The following TSGA13 variants were observed in gnomAD, a reference collection of about 807,000 sequenced individuals.
TSGA13 encodes the protein testis specific 13.
TSGA13 carries 37 observed loss-of-function variants against 35.1 expected under a neutral mutation model. The observed-to-expected ratio is 1.05, with a 90% CI of 0.81 to 1.39. The LOEUF (loss-of-function observed/expected upper bound fraction) is 1.39, where lower values mean the gene tolerates loss of function less well. TSGA13 is among the 40% of genes most tolerant of loss of function. The pLI, the probability that TSGA13 is intolerant of heterozygous loss-of-function variation, is 0.00. For synonymous variants in TSGA13, 124 were observed against 121.2 expected, an observed-to-expected ratio of 1.02 and a Z score of -0.15; for missense variants, 338 against 328.5, an observed-to-expected ratio of 1.03 and a Z score of -0.22.
intron 6 of TSGA13, 143 bp downstream of exon 6, chr7:130,672,591 G>T: frequency 2.7e-6 from 3 of 1,116,946 alleles, no homozygotes; most frequent in Non-Finnish European, 3.7e-6. Context: ...TGTCAATGAG[G>T]TTAGGGTCAT....
At chr7:130,681,130 T>C in intron 3 of TSGA13, 113 bp from the exon 4 acceptor site, 1 of 868,160 alleles carries the variant, frequency 1.2e-6, no homozygotes, top group African/African-American at 1.7e-5. Flanking sequence ...TTACACTAAG[T>C]AAGTTAGAGA....
At chr7:130,678,088 T>A (rs1048165953) in intron 5 of TSGA13, among the ~76,000 whole-genome samples, 29 of 152,154 alleles carry the variant, frequency 1.9e-4, no homozygotes, top group Non-Finnish European at 3.1e-4. Flanking sequence ...AAGATTTGGC[T>A]ACTGTGTAGG....
Position 130,683,609 on chromosome 7 carries a change from A to G in TSGA13, c.87T>C (p.Val29=). The G allele has an allele frequency of 1.9e-6, 3 of 1,613,788 alleles. No homozygotes were observed. Among genetic ancestry groups the G allele is most frequent in the Non-Finnish European group, 2.5e-6 (3 of 1,179,708 alleles). ...CACTCCTTACCTCTTTGCTATTGAC[A>G]ACCATTCCTTTCTCACGTTTAGCTG... The part of the protein sequence containing the change: ...NSSAKREKGM[V]VNSKEISDAV... Residue 29 remains valine, a synonymous_variant, in exon 3 of 8, where the codon GTT becomes GTC. Coordinates refer to ENST00000356588, the MANE Select transcript of TSGA13 (RefSeq NM_052933.4).
intron 3 of TSGA13, among the ~76,000 whole-genome samples, chr7:130,681,278 A>G (rs115512238): frequency 0.012 from 1,776 of 152,290 alleles, 47 homozygotes; most frequent in African/African-American, 0.04. Context: ...AATGTCAGGG[A>G]AAGCCGTTAG....
At chr7:130,673,865 G>A (rs1554463745) in intron 5 of TSGA13, among the ~76,000 whole-genome samples, 1 of 152,156 alleles carries the variant, frequency 6.6e-6, no homozygotes, top group East Asian at 1.9e-4. Context: ...GGAGGCCAAA[G>A]CGATGGATCA....
intron 1 of TSGA13, 37 bp from the exon 2 acceptor site, chr7:130,685,397 T>G: frequency 1.5e-6 from 2 of 1,355,722 alleles, no homozygotes; most frequent in Non-Finnish European, 1.9e-6. Context: ...TAGGTGCTAT[T>G]GTAGATGTAG....
rs1461682324 is a variant in TSGA13, at chr7:130,670,719, A to C, written c.658+942T>G. On this transcript the variant is annotated intron_variant, in intron 7 of 7. Transcript: ENST00000356588. ...ACTGCAACCTTGAACTCCTAGGTTC[A>C]AGCAATCCTCCTTCCTCAAGCCCCC... 2.0e-5 allele frequency among the ~76,000 whole-genome samples: 3 copies of C among 152,282 alleles called. No individual in the cohort carries two copies. The South Asian group carries it at 6.2e-4, about 32-fold the overall frequency.
chr7:130,679,519 GT>G, intron 4 of TSGA13, 152 bp from the exon 5 acceptor site: 23 of 737,264 alleles, frequency 3.1e-5, no homozygotes, highest in Non-Finnish European at 4.1e-5. Flanking sequence ...TTTTGTTTTT[GT>G]TTTTTTTGAG....
intron 5 of TSGA13, among the ~76,000 whole-genome samples, chr7:130,675,809 T>C (rs1796399620): frequency 6.6e-6 from 1 of 152,236 alleles, no homozygotes; most frequent in Non-Finnish European, 1.5e-5. Flanking sequence ...TTCTGGATGT[T>C]GGTAGGTTGG....
At chr7:130,683,709 G>A in intron 2 of TSGA13, 37 bp from the exon 3 acceptor site, 1 of 1,594,126 alleles carries the variant, frequency 6.3e-7, no homozygotes, top group Non-Finnish European at 8.6e-7. Context: ...GCACTTTCTG[G>A]CTCAGAGGCC....
intron 4 of TSGA13, among the ~76,000 whole-genome samples, chr7:130,680,680 A>G (rs1554464949): frequency 6.6e-6 from 1 of 152,016 alleles, no homozygotes; most frequent in African/African-American, 2.4e-5. Context: ...TTTTTTCCTG[A>G]TCATAAATAT....
upstream of TSGA13, chr7:130,686,879 C>CCTT (rs1554465844): frequency 6.6e-6 from 1 of 152,404 alleles, no homozygotes; most frequent in African/African-American, 2.4e-5. Flanking sequence ...TTCTCCTTCT[C>CCTT]CTTCTCCTTC....
At chr7:130,677,431 C>T (rs1255218469) in intron 5 of TSGA13, among the ~76,000 whole-genome samples, 2 of 144,830 alleles carry the variant, frequency 1.4e-5, no homozygotes, top group African/African-American at 5.0e-5. Flanking sequence ...TTTGCTTTTT[C>T]TTTTTTTTTT....
At chr7:130,672,181 C>T (rs929808973) in intron 6 of TSGA13, among the ~76,000 whole-genome samples, 4 of 152,112 alleles carry the variant, frequency 2.6e-5, no homozygotes, top group Admixed American at 6.6e-5. Flanking sequence ...TGAGACACCG[C>T]GCCCAGCCCC....
chr7:130,668,654 G>A lies in TSGA13; in HGVS notation c.*360C>T, dbSNP rs782031413. On this transcript the variant is annotated 3_prime_UTR_variant, in exon 8 of 8. Coordinates refer to ENST00000356588, the MANE Select transcript of TSGA13 (RefSeq NM_052933.4). Reference sequence around the variant, plus strand: ...TACCAGACTCCTCGTCCTTCTTGTCGAATTTTTTAATCATCTTGGACGACT... The same window carrying A: ...TACCAGACTCCTCGTCCTTCTTGTCAAATTTTTTAATCATCTTGGACGACT... 3 of 1,543,230 alleles carry A rather than the reference G, an allele frequency of 1.9e-6. No homozygotes were observed. Among genetic ancestry groups the A allele is most frequent in the Middle Eastern group, 1.7e-4 (1 of 5,906 alleles).
rs1478193368 is a variant in TSGA13, at chr7:130,682,098, C to T, written c.103-1081G>A. ...GGGTCTAAAGGCACGTGCCACCATG[C>T]CCAGCTATTATTATTATTTATTAAT... On this transcript the variant is annotated intron_variant, in intron 3 of 7. Transcript: ENST00000356588. Among the ~76,000 whole-genome samples, 39 of 151,712 alleles carry T rather than the reference C, an allele frequency of 2.6e-4. 1 individual carries two copies. Among genetic ancestry groups the T allele is most frequent in the Admixed American group, 2.6e-3 (39 of 15,214 alleles).
rs782667413 is a variant in TSGA13 at position 130,671,745 on chromosome 7, T to C, written c.574A>G (p.Lys192Glu). The C allele has an allele frequency of 1.2e-6, 2 of 1,606,964 alleles. No homozygotes were observed. The highest frequency in any genetic ancestry group is 1.3e-5 in the African/African-American group (1 of 74,824). Reference protein sequence around the residue: ...NDFKSEGKYSKVYALRTQKKM... With the variant: ...NDFKSEGKYSEVYALRTQKKM... ...TTCTGTGTCCTCAAAGCGTAGACTT[T>C]TGAATACTTCCCTTCGCTCTTGAAA... Residue 192 changes from lysine (K) to glutamate (E), a missense_variant, in exon 7 of 8, where the codon AAA (lysine) becomes GAA (glutamate). Coordinates refer to ENST00000356588, the MANE Select transcript of TSGA13 (RefSeq NM_052933.4).
chr7:130,676,703 A>G, intron 5 of TSGA13, among the ~76,000 whole-genome samples: 1 of 152,192 alleles, frequency 6.6e-6, no homozygotes, highest in South Asian at 2.1e-4. Context: ...TCATCCATCT[A>G]GGAACTATGG....
In TSGA13 at chr7:130,671,714, A is replaced by G. The variant is rs368591078; in HGVS notation, c.605T>C (p.Met202Thr). Residue 202 changes from methionine (M) to threonine (T), a missense_variant, in exon 7 of 8, where the codon ATG becomes ACG. Coordinates refer to ENST00000356588, the MANE Select transcript of TSGA13 (RefSeq NM_052933.4). ...TGGAGCAAAGGTGAGCTGAGGGTACATTTTCTTCTGTGTCCTCAAAGCGTA... is the reference window on the plus strand; with the variant it reads ...TGGAGCAAAGGTGAGCTGAGGGTACGTTTTCTTCTGTGTCCTCAAAGCGTA... ...KVYALRTQKK[M>T]YPQLTFAPVH... 10 of 1,610,416 alleles carry G rather than the reference A, an allele frequency of 6.2e-6. No homozygotes were observed. Among genetic ancestry groups the G allele is most frequent in the Non-Finnish European group, 8.5e-6 (10 of 1,177,712 alleles).
Sources: allele counts gnomAD v4.1 joint callset (sites outside exome capture counted in the v4.1 genomes callset), GRCh38; gene constraint gnomAD v4.1.1; transcripts MANE v1.5; gene names NCBI Gene and HGNC (gene_info 2026-07-23, HGNC 2026-07-21).